DHRS7: variants seen among roughly 807,000 people sequenced by gnomAD.
DHRS7 encodes the protein dehydrogenase/reductase 7, also known as dehydrogenase/reductase SDR family member 7.
A neutral mutation model predicts 38.9 loss-of-function variants in DHRS7; 34 were observed. That is an observed-to-expected ratio of 0.87 (90% CI 0.66 to 1.16). The LOEUF is 1.16. Among genes scored for constraint, DHRS7 ranks in the 50% most tolerant of loss-of-function variants. DHRS7 has a pLI of 0.00. For missense variants in DHRS7, 421 were observed against 407.0 expected, an observed-to-expected ratio of 1.03 and a Z score of -0.30; for synonymous variants, 158 against 153.1, an observed-to-expected ratio of 1.03 and a Z score of -0.24.
rs1896784993 is a variant in DHRS7 at position 60,162,592 on chromosome 14, A to T, written c.133+2585T>A. On this transcript the variant is annotated intron_variant, in intron 1 of 6. Coordinates refer to ENST00000557185, the MANE Select transcript of DHRS7 (RefSeq NM_016029.4). The surrounding 1 kb of genome is among the most constrained non-coding windows in gnomAD (Gnocchi z 4.5). The stretch of plus-strand genomic sequence containing the variant: ...TGTGAGTGTGCTATTTTTTTAAGTG[A>T]CAAAAAATAATAAACCTACAGAGAA... Among the ~76,000 whole-genome samples the T allele has an allele frequency of 1.3e-5, 2 of 152,142 alleles. No homozygotes were observed.
Position 60,144,904 on chromosome 14 carries a change from G to T in DHRS7, c.*62C>A. On this transcript the variant is annotated 3_prime_UTR_variant, in exon 7 of 7. Coordinates refer to ENST00000557185, the MANE Select transcript of DHRS7 (RefSeq NM_016029.4). The stretch of plus-strand genomic sequence containing the variant: ...CTTTGATTATTCAGAAGCATAAGAA[G>T]ATTGCTGTTTTCATGTTTTCCATTT... 2 of 1,330,698 alleles carry T rather than the reference G, an allele frequency of 1.5e-6. No homozygotes were observed. The highest frequency in any genetic ancestry group is 2.2e-6 in the Non-Finnish European group (2 of 925,998). The allele number at this position is 1,330,698 out of a possible 1,614,324, so 82.4% of individuals were successfully genotyped here.
In DHRS7 at chr14:60,153,183, T is replaced by C. The variant is rs1896586069; in HGVS notation, c.394-5A>G. The stretch of plus-strand genomic sequence containing the variant: ...ATTGTTGACCAGAATGTCGATCTAG[T>C]TAAATAAAATCAGAAAAGGGGTGTT... On this transcript the variant is annotated splice_region_variant and splice_polypyrimidine_tract_variant and intron_variant, in intron 3 of 6. Transcript: ENST00000557185. The surrounding 1 kb of genome is among the most constrained non-coding windows in gnomAD (Gnocchi z 4.4). 1.2e-6 allele frequency: 2 copies of C among 1,613,914 alleles called. No individual in the cohort carries two copies.
rs939831561 is a variant in DHRS7 at position 60,161,830 on chromosome 14, C to T, written c.133+3347G>A. Among the ~76,000 whole-genome samples, 1 of 152,152 alleles carries T rather than the reference C, an allele frequency of 6.6e-6. No individual in the cohort carries two copies. Among genetic ancestry groups the T allele is most frequent in the African/African-American group, 2.4e-5 (1 of 41,442 alleles). On this transcript the variant is annotated intron_variant, in intron 1 of 6. Transcript: ENST00000557185. This position sits in a 1 kb window ranked among gnomAD's most constrained non-coding sequence, Gnocchi z 4.2. ...CCCAGTGCCCCAGCACAGAGGCCGG[C>T]ACATACAAGCAGCTAGTCAGGAGAC... is the stretch of plus-strand genomic sequence containing the variant.
intron 1 of DHRS7, chr14:60,158,898 C>A: frequency 4.8e-6 from 1 of 207,992 alleles, no homozygotes; most frequent in Non-Finnish European, 9.7e-6. Flanking sequence ...CTTTTAAATG[C>A]TATCAACCAG....
Position 60,156,110 on chromosome 14 carries a change from G to T in DHRS7, c.176C>A (p.Ser59Ter). The change falls in exon 2 of 7, where the codon TCG becomes TAG. Residue 59 changes from serine to a stop codon, truncating the protein, a stop_gained. Transcript: ENST00000557185. LOFTEE classifies it high-confidence loss of function. The stretch of plus-strand genomic sequence containing the variant: ...AGCCAGCTCCTCACCAATTCCACTC[G>T]AGGCTCCAGTCACCCACACCACCAT... ...TDMVVWVTGA[S>*]SGIGEELAYQ... is the part of the protein sequence containing the mutation. The T allele has an allele frequency of 1.3e-6, 2 of 1,598,640 alleles. No individual in the cohort carries two copies. Among genetic ancestry groups the T allele is most frequent in the South Asian group, 2.2e-5 (2 of 89,080 alleles).
At position 60,149,420 on chromosome 14, in the gene DHRS7, G is replaced by A. The variant is rs1310026919; in HGVS notation, c.905C>T (p.Pro302Leu). Reference sequence around the variant, plus strand: ...GTTGGTTATCCACCAGGCCCAGGTTGGCATGTATTGCCACAAATATGTTAC... The same window carrying A: ...GTTGGTTATCCACCAGGCCCAGGTTAGCATGTATTGCCACAAATATGTTAC... ...LLVTYLWQYM[P>L]TWAWWITNKM... The change falls in exon 6 of 7, where the codon CCA becomes CTA. Residue 302 changes from proline (P) to leucine (L), a missense_variant. By Grantham distance (98) the Pro-to-Leu change is moderately conservative. Transcript: ENST00000557185. 4 of 1,614,084 alleles carry A rather than the reference G, an allele frequency of 2.5e-6. No homozygotes were observed. Among genetic ancestry groups the A allele is most frequent in the Non-Finnish European group, 3.4e-6 (4 of 1,180,014 alleles).
Position 60,148,625 on chromosome 14 carries a change from C to T in DHRS7, c.972+728G>A, listed in dbSNP as rs991717956. On this transcript the variant is annotated intron_variant, in intron 6 of 6. Transcript: ENST00000557185. This position sits in a 1 kb window ranked among gnomAD's most constrained non-coding sequence, Gnocchi z 4.8. Reference sequence around the variant, plus strand: ...AAACTGCATGCATCTGTTTTAACAACACAGTAAGTGCTTTGACAGGAAAGC... The same window carrying T: ...AAACTGCATGCATCTGTTTTAACAATACAGTAAGTGCTTTGACAGGAAAGC... Among the ~76,000 whole-genome samples, 19 of 152,116 alleles carry T rather than the reference C, an allele frequency of 1.2e-4. 1 individual carries two copies. The highest frequency in any genetic ancestry group is 1.0e-3 in the South Asian group (5 of 4,824).
upstream of DHRS7, among the ~76,000 whole-genome samples, chr14:60,167,752 AG>A (rs1896886010): frequency 6.6e-6 from 1 of 152,236 alleles, no homozygotes; most frequent in Non-Finnish European, 1.5e-5. Flanking sequence ...AAGAACAATA[AG>A]GGGTTTGTGG....
chr14:60,166,010 T>A (rs986510059), upstream of DHRS7, among the ~76,000 whole-genome samples: 1 of 152,210 alleles, frequency 6.6e-6, no homozygotes, highest in African/African-American at 2.4e-5. Context: ...AAAGCCTAGG[T>A]TGGTACCAAA....
chr14:60,166,029 T>C (rs1896862953), upstream of DHRS7, among the ~76,000 whole-genome samples: 1 of 152,214 alleles, frequency 6.6e-6, no homozygotes, highest in Non-Finnish European at 1.5e-5. Flanking sequence ...AATCCTCCCC[T>C]TACCCAAGCC....
At chr14:60,149,621 T>G (rs1896493459) in intron 5 of DHRS7, 53 bp from the exon 6 acceptor site, 1 of 1,459,334 alleles carries the variant, frequency 6.9e-7, no homozygotes, top group African/African-American at 1.4e-5. Flanking sequence ...CACATAACTT[T>G]AAGCTAGAAA....
intron 1 of DHRS7, among the ~76,000 whole-genome samples, chr14:60,157,343 CAG>C (rs1896679179): frequency 6.6e-6 from 1 of 152,174 alleles, no homozygotes; most frequent in Non-Finnish European, 1.5e-5. Flanking sequence ...GGAAAGCACT[CAG>C]GGCAGTATCT....
chr14:60,149,895 T>C (rs1896500383), intron 5 of DHRS7, among the ~76,000 whole-genome samples, 170 bp downstream of exon 5: 1 of 152,152 alleles, frequency 6.6e-6, no homozygotes, highest in African/African-American at 2.4e-5. Flanking sequence ...ACAATGCATT[T>C]AGCAAATGAA....
chr14:60,146,229 A>G lies in DHRS7; in HGVS notation c.973-1216T>C, dbSNP rs974060577. 1.3e-5 allele frequency: 2 copies of G among 152,000 alleles called. No homozygotes were observed. Among genetic ancestry groups the G allele is most frequent in the African/African-American group, 4.8e-5 (2 of 41,406 alleles). The allele number at this position is 152,000 out of a possible 1,614,324, so 9.4% of individuals were successfully genotyped here. On this transcript the variant is annotated intron_variant, in intron 6 of 6. Transcript: ENST00000557185. This position sits in a 1 kb window ranked among gnomAD's most constrained non-coding sequence, Gnocchi z 4.9. ...GGCTGTCATTTTTTTAGAAAAACCT[A>G]GATGTAAAAAAAATGCGAGATTTGC...
chr14:60,152,691 C>A, intron 4 of DHRS7: 1 of 504,080 alleles, frequency 2.0e-6, no homozygotes, highest in Non-Finnish European at 3.6e-6. Context: ...CTTTATATCC[C>A]CAGGGTCTGT....
At chr14:60,166,471 A>C (rs1464836429), upstream of DHRS7, among the ~76,000 whole-genome samples, 2 of 152,218 alleles carry the variant, frequency 1.3e-5, no homozygotes, top group Non-Finnish European at 2.9e-5. Context: ...ACAGTCATGG[A>C]AATAAAAGAA....
intron 4 of DHRS7, among the ~76,000 whole-genome samples, chr14:60,151,515 T>G (rs1470922623): frequency 6.7e-6 from 1 of 148,714 alleles, no homozygotes; most frequent in Admixed American, 6.8e-5. Flanking sequence ...ACCAATACAG[T>G]GCCAGACTCA....
rs747121570 is a variant in DHRS7 at position 60,150,178 on chromosome 14, T to TA, written c.642dup (p.Asn215Ter). The TA allele has an allele frequency of 2.8e-5, 37 of 1,324,336 alleles. No homozygotes were observed. Among genetic ancestry groups the TA allele is most frequent in the Middle Eastern group, 4.2e-4 (2 of 4,752 alleles). 82.0% of individuals were successfully genotyped at this position (1,324,336 alleles called of 1,614,324 possible). A position where few individuals can be genotyped will look rare whatever the true frequency, so the allele number is the denominator to read the frequency against. ...GTGGCAAGTTCTGTTCGAAGGCCATTAAAAAAACCCTAACAGACAAAAAAA... is the reference window on the plus strand; with the variant it reads ...GTGGCAAGTTCTGTTCGAAGGCCATTAAAAAAAACCCTAACAGACAAAAAAA... On this transcript the variant is annotated frameshift_variant, in exon 5 of 7. Transcript: ENST00000557185. LOFTEE classifies it high-confidence loss of function.
chr14:60,153,220 T>G lies in DHRS7; in HGVS notation c.394-42A>C. ...AGAAAAGGGGTGTTTGGGGGATGTC[T>G]TGTGGATAGATTGATGGAATTCCTA... is the stretch of plus-strand genomic sequence containing the variant. On this transcript the variant is annotated intron_variant, in intron 3 of 6. Transcript: ENST00000557185. This position sits in a 1 kb window ranked among gnomAD's most constrained non-coding sequence, Gnocchi z 4.4. The G allele has an allele frequency of 6.2e-7, 1 of 1,608,444 alleles. No homozygotes were observed. Among genetic ancestry groups the G allele is most frequent in the Non-Finnish European group, 8.5e-7 (1 of 1,176,126 alleles).
Sources: gnomAD v4.1 joint callset for allele counts (sites outside exome capture counted in the v4.1 genomes callset) on GRCh38, gnomAD v4.1.1 for gene constraint, Gnocchi (gnomAD v3.1) non-coding constraint, MANE v1.5 for transcripts, NCBI Gene and HGNC (gene_info 2026-07-23, HGNC 2026-07-21) for gene names.